Variants in LCP2 observed in about 807,000 individuals in gnomAD.
LCP2 encodes the protein 76 kDa tyrosine phosphoprotein.
In LCP2, 29 loss-of-function variants were observed where a neutral mutation model predicts 74.5. That is an observed-to-expected ratio of 0.39 (90% CI 0.29 to 0.53). The LOEUF is 0.53. Ranked by LOEUF, LCP2 falls within the 20% of genes least tolerant of loss-of-function variation. LCP2 has a pLI of 0.72. For synonymous variants in LCP2, 228 were observed against 229.5 expected, an observed-to-expected ratio of 0.99 and a Z score of 0.06; for missense variants, 604 against 634.6, an observed-to-expected ratio of 0.95 and a Z score of 0.52.
intron 3 of LCP2, among the ~76,000 whole-genome samples, chr5:170,276,620 C>T (rs572556162): frequency 2.6e-5 from 4 of 152,046 alleles, no homozygotes; most frequent in African/African-American, 9.7e-5. Context: ...GGAGCTGGGG[C>T]AGGAGGGCTT....
intron 2 of LCP2, among the ~76,000 whole-genome samples, chr5:170,289,174 T>C (rs1762234631): frequency 6.6e-6 from 1 of 152,184 alleles, no homozygotes; most frequent in Non-Finnish European, 1.5e-5. Context: ...CCTATCAGGA[T>C]TGTGAGGACT....
intron 15 of LCP2, 87 bp from the exon 16 acceptor site, chr5:170,258,253 C>T: frequency 7.1e-7 from 1 of 1,402,154 alleles, no homozygotes; most frequent in South Asian, 1.2e-5. Flanking sequence ...CAGTTAGAAA[C>T]AGCTAGTATA....
At chr5:170,282,196 T>G (rs1258588634) in intron 3 of LCP2, among the ~76,000 whole-genome samples, 1 of 152,224 alleles carries the variant, frequency 6.6e-6, no homozygotes, top group Non-Finnish European at 1.5e-5. Flanking sequence ...ATACTTATAT[T>G]GTAAACGTCA....
rs773048115 is a variant in LCP2 at position 170,262,726 on chromosome 5, A to T, written c.835T>A (p.Leu279Ile). Residue 279 changes from leucine (L) to isoleucine (I), a missense_variant, in exon 13 of 21, where the codon TTA becomes ATA. Coordinates refer to ENST00000046794, the MANE Select transcript of LCP2 (RefSeq NM_005565.5). ...IPAGRSLGEHLPKIQKPPLPP... is the reference protein window; with the variant it reads ...IPAGRSLGEHIPKIQKPPLPP... Reference sequence around the variant, plus strand: ...AAAGGAGGCTTTTGAATCTTGGGTAAATGCTCCCCGAGTGACCTGTGGAGT... The same window carrying T: ...AAAGGAGGCTTTTGAATCTTGGGTATATGCTCCCCGAGTGACCTGTGGAGT... 1 of 1,613,920 alleles carries T rather than the reference A, an allele frequency of 6.2e-7. No individual in the cohort carries two copies. The highest frequency in any genetic ancestry group is 8.5e-7 in the Non-Finnish European group (1 of 1,179,826).
At chr5:170,288,900 G>T (rs1762230159) in intron 2 of LCP2, among the ~76,000 whole-genome samples, 1 of 152,334 alleles carries the variant, frequency 6.6e-6, no homozygotes, top group African/African-American at 2.4e-5. Flanking sequence ...GAGGAGAGGA[G>T]AGCATGTCAG....
intron 5 of LCP2, 34 bp downstream of exon 5, chr5:170,275,286 T>C: frequency 6.2e-7 from 1 of 1,613,460 alleles, no homozygotes; most frequent in East Asian, 2.2e-5. Context: ...TATCACCTCC[T>C]AAAGCAATCA....
At chr5:170,262,012 T>C (rs1761663428) in intron 13 of LCP2, among the ~76,000 whole-genome samples, 1 of 152,196 alleles carries the variant, frequency 6.6e-6, no homozygotes, top group African/African-American at 2.4e-5. Context: ...AATTTAATCC[T>C]CACAACAGCC....
chr5:170,249,318 A>C (rs1761371704), intron 20 of LCP2, among the ~76,000 whole-genome samples: 4 of 151,366 alleles, frequency 2.6e-5, no homozygotes, highest in South Asian at 4.2e-4. Context: ...ACAAGAAGGA[A>C]ACTCCATCTC....
chr5:170,263,083 A>G (rs879708655), intron 10 of LCP2, 91 bp from the exon 11 acceptor site: 11 of 1,465,956 alleles, frequency 7.5e-6, no homozygotes, highest in Non-Finnish European at 9.4e-6. Context: ...ATGAGTCTGA[A>G]CCCTCTTGGG....
intron 10 of LCP2, among the ~76,000 whole-genome samples, chr5:170,264,147 C>T (rs889309569): frequency 6.6e-6 from 1 of 152,288 alleles, no homozygotes; most frequent in South Asian, 2.1e-4. Context: ...CCCCCAGAAC[C>T]GATGAACTTT....
At chr5:170,264,306 A>G (rs1384886310) in intron 10 of LCP2, among the ~76,000 whole-genome samples, 1 of 152,212 alleles carries the variant, frequency 6.6e-6, no homozygotes, top group Non-Finnish European at 1.5e-5. Flanking sequence ...ATTTTCTTCT[A>G]CGTTTTTATT....
chr5:170,270,712 C>A lies in LCP2; in HGVS notation c.523+7G>T, dbSNP rs181778827. 4.5e-6 allele frequency: 7 copies of A among 1,564,228 alleles called. No individual in the cohort carries two copies. The highest frequency in any genetic ancestry group is 6.0e-6 in the Non-Finnish European group (7 of 1,158,394). ...TCGGGCCAGAAAATCCGGAAACGGG[C>A]CCTTACCGATGTACATGGAGTTGGA... is the stretch of plus-strand genomic sequence containing the variant. On this transcript the variant is annotated splice_region_variant and intron_variant, in intron 7 of 20. Coordinates refer to ENST00000046794, the MANE Select transcript of LCP2 (RefSeq NM_005565.5).
intron 2 of LCP2, among the ~76,000 whole-genome samples, chr5:170,289,671 T>TTTTCTCTCTC (rs1554141411): frequency 1.2e-5 from 1 of 84,052 alleles, no homozygotes; most frequent in African/African-American, 4.5e-5. Context: ...CTTTCTTTCT[T>TTTTCTCTCTC]TCTCTCTCTC....
chr5:170,280,573 A>G (rs529676958), intron 3 of LCP2, among the ~76,000 whole-genome samples: 60 of 152,336 alleles, frequency 3.9e-4, no homozygotes, highest in African/African-American at 1.3e-3. Context: ...AGAGTAGGAC[A>G]TAATAATTTG....
chr5:170,293,739 T>C (rs1052658207), intron 1 of LCP2, among the ~76,000 whole-genome samples: 1 of 152,256 alleles, frequency 6.6e-6, no homozygotes. Flanking sequence ...CTTTCCATGC[T>C]TTCTTCCTAG....
Position 170,281,439 on chromosome 5 carries a change from TC to T in LCP2, c.189-5580del, listed in dbSNP as rs1561975682. ...GGACTACAGGTGCCTGCCACCACAC[TC>T]GGCTAATTGTTTTGTATTTTTAGTA... On this transcript the variant is annotated intron_variant, in intron 3 of 20. Coordinates refer to ENST00000046794, the MANE Select transcript of LCP2 (RefSeq NM_005565.5). Among the ~76,000 whole-genome samples the T allele has an allele frequency of 2.0e-4, 31 of 152,140 alleles. No homozygotes were observed. In the South Asian group the frequency reaches 5.0e-3, roughly 25 times the overall value.
Position 170,270,819 on chromosome 5 carries a change from A to G in LCP2, c.423T>C (p.Asp141=). 2.5e-6 allele frequency: 4 copies of G among 1,612,158 alleles called. No individual in the cohort carries two copies. Among genetic ancestry groups the G allele is most frequent in the South Asian group, 2.2e-5 (2 of 90,582 alleles). Residue 141 remains aspartate, a synonymous_variant, in exon 7 of 21, where the codon GAT becomes GAC. Coordinates refer to ENST00000046794, the MANE Select transcript of LCP2 (RefSeq NM_005565.5). ...PNEEEEAPVE[D]DADYEPPPSN... ...AGGGTGGCGGCTCATAATCCGCGTCATCTTCCACGGGTGCCTCTTCCTCCT... is the reference window on the plus strand; with the variant it reads ...AGGGTGGCGGCTCATAATCCGCGTCGTCTTCCACGGGTGCCTCTTCCTCCT...
In LCP2 at chr5:170,252,415, A is replaced by G. The variant is rs747149050; in HGVS notation, c.1323+19T>C. 1.7e-5 allele frequency: 25 copies of G among 1,443,206 alleles called. No individual in the cohort carries two copies. Among genetic ancestry groups the G allele is most frequent in the Non-Finnish European group, 2.1e-5 (22 of 1,036,258 alleles). 89.4% of individuals were successfully genotyped at this position (1,443,206 alleles called of 1,614,324 possible). ...CATTAATATTTACAACTATGTTAAA[A>G]TAAACTATAGCACAATACCTGGTTT... On this transcript the variant is annotated intron_variant, in intron 19 of 20. Coordinates refer to ENST00000046794, the MANE Select transcript of LCP2 (RefSeq NM_005565.5).
Position 170,247,773 on chromosome 5 carries a change from C to G in LCP2, c.*924G>C, listed in dbSNP as rs1031975759. Reference sequence around the variant, plus strand: ...CATATCTAATAGGAAAGTCTGATCACATTTAATCTAAAGTGTTGCTCCCTC... The same window carrying G: ...CATATCTAATAGGAAAGTCTGATCAGATTTAATCTAAAGTGTTGCTCCCTC... On this transcript the variant is annotated 3_prime_UTR_variant, in exon 21 of 21. Coordinates refer to ENST00000046794, the MANE Select transcript of LCP2 (RefSeq NM_005565.5). 3.3e-5 allele frequency: 5 copies of G among 152,186 alleles called. No individual in the cohort carries two copies. Among genetic ancestry groups the G allele is most frequent in the Non-Finnish European group, 5.9e-5 (4 of 68,050 alleles). The allele number at this position is 152,186 out of a possible 1,614,324, so 9.4% of individuals were successfully genotyped here. A position where few individuals can be genotyped will look rare whatever the true frequency, so the allele number is the denominator to read the frequency against.
Sources: allele counts gnomAD v4.1 joint callset (sites outside exome capture counted in the v4.1 genomes callset), GRCh38; gene constraint gnomAD v4.1.1; transcripts MANE v1.5; gene names NCBI Gene and HGNC (gene_info 2026-07-23, HGNC 2026-07-21).